The following TAX1BP1 variants were observed in gnomAD, a reference collection of about 807,000 sequenced individuals.
TAX1BP1 encodes the protein Tax1 binding protein 1.
Under a neutral mutation model 97.7 loss-of-function variants are expected in TAX1BP1, and 62 were observed. The ratio of observed to expected loss-of-function variants is 0.63; its 90% CI spans 0.52 to 0.78. The LOEUF (loss-of-function observed/expected upper bound fraction) is 0.78. Among genes scored for constraint, TAX1BP1 ranks in the 30% least tolerant of loss-of-function variants. The probability of loss-of-function intolerance (pLI) is 0.00; values close to 1 mark genes in which losing one functional copy is unlikely to be tolerated. For synonymous variants in TAX1BP1, 340 were observed against 304.2 expected (o/e 1.12, Z -1.23); for missense variants, 867 against 916.1 (o/e 0.95, Z 0.69).
At chr7:27,813,761 G>C (rs1172304105) in intron 13 of TAX1BP1, among the ~76,000 whole-genome samples, 1 of 152,188 alleles carries the variant, frequency 6.6e-6, no homozygotes, top group Non-Finnish European at 1.5e-5. Context: ...AGGAAATGAA[G>C]GTGGCTTGTC....
chr7:27,826,584 C>T lies in TAX1BP1; in HGVS notation c.2086-1154C>T, dbSNP rs560068855. Among the ~76,000 whole-genome samples the T allele has an allele frequency of 3.2e-4, 48 of 152,218 alleles. No homozygotes were observed. The South Asian group carries it at 5.2e-3, about 16-fold the overall frequency. The stretch of plus-strand genomic sequence containing the variant: ...TAGTTCATGACATGAGAGCAGCTAA[C>T]GGCTGCTGAGAGATAAAAAGGAAAT... On this transcript the variant is annotated intron_variant, in intron 15 of 16. Transcript: ENST00000396319.
rs374108541 is a variant in TAX1BP1, at chr7:27,773,394, A to G, written c.612+3560A>G. Among the ~76,000 whole-genome samples, 3 of 152,106 alleles carry G rather than the reference A, an allele frequency of 2.0e-5. No homozygotes were observed. In the East Asian group the frequency reaches 5.8e-4, roughly 29 times the overall value. Reference sequence around the variant, plus strand: ...AACCATTACCATAGTCTAATTTAGGAACAAATTCATCCCCAAAAGAAAGCT... The same window carrying G: ...AACCATTACCATAGTCTAATTTAGGGACAAATTCATCCCCAAAAGAAAGCT... On this transcript the variant is annotated intron_variant, in intron 5 of 16. Transcript: ENST00000396319.
chr7:27,821,509 C>G (rs1790972660), intron 15 of TAX1BP1, among the ~76,000 whole-genome samples: 1 of 151,892 alleles, frequency 6.6e-6, no homozygotes. Context: ...GTGGTGCACG[C>G]CAGTAATCCC....
At chr7:27,809,523 T>A (rs913748236) in intron 13 of TAX1BP1, among the ~76,000 whole-genome samples, 1 of 152,218 alleles carries the variant, frequency 6.6e-6, no homozygotes, top group African/African-American at 2.4e-5. Context: ...CTTCTCTAAG[T>A]CCAGGTATTA....
chr7:27,747,243 A>G (rs1418830331), intron 1 of TAX1BP1, among the ~76,000 whole-genome samples: 1 of 152,178 alleles, frequency 6.6e-6, no homozygotes, highest in Non-Finnish European at 1.5e-5. Flanking sequence ...GACAAACTCT[A>G]CAGATTGCTT....
At chr7:27,791,303 G>A (rs1789696423) in intron 8 of TAX1BP1, among the ~76,000 whole-genome samples, 1 of 152,014 alleles carries the variant, frequency 6.6e-6, no homozygotes, top group South Asian at 2.1e-4. Context: ...AAAACAGGAA[G>A]TTGAATAAAC....
At chr7:27,748,968 A>T (rs1355243075) in intron 2 of TAX1BP1, among the ~76,000 whole-genome samples, 1 of 151,988 alleles carries the variant, frequency 6.6e-6, no homozygotes, top group Non-Finnish European at 1.5e-5. Context: ...TACCTGCAAT[A>T]AAAAAAGATC....
At chr7:27,797,667 T>C (rs1457331019) in intron 12 of TAX1BP1, among the ~76,000 whole-genome samples, 1 of 152,088 alleles carries the variant, frequency 6.6e-6, no homozygotes, top group Non-Finnish European at 1.5e-5. Flanking sequence ...GAGAGAATCC[T>C]GTGGAAGGGT....
intron 15 of TAX1BP1, among the ~76,000 whole-genome samples, 163 bp from the exon 16 acceptor site, chr7:27,827,575 A>G: frequency 6.6e-6 from 1 of 152,212 alleles, no homozygotes; most frequent in East Asian, 1.9e-4. Context: ...ATACTCTGCA[A>G]AGTTTCAAAC....
At chr7:27,760,615 C>T (rs910091979) in intron 3 of TAX1BP1, among the ~76,000 whole-genome samples, 3 of 151,690 alleles carry the variant, frequency 2.0e-5, no homozygotes, top group African/African-American at 4.8e-5. Context: ...AGGGTGGTCT[C>T]GATCTCCTGA....
chr7:27,804,435 C>T (rs540308274), intron 13 of TAX1BP1, among the ~76,000 whole-genome samples: 2 of 152,278 alleles, frequency 1.3e-5, no homozygotes, highest in South Asian at 2.1e-4. Context: ...GTTCCAGCAA[C>T]GATTTTCTGA....
chr7:27,827,439 G>A (rs1791219514), intron 15 of TAX1BP1, among the ~76,000 whole-genome samples: 1 of 151,986 alleles, frequency 6.6e-6, no homozygotes, highest in African/African-American at 2.4e-5. Flanking sequence ...GGTTTGAAAA[G>A]GTCTACTGTT....
chr7:27,744,147 G>C (rs1787728676), intron 1 of TAX1BP1, among the ~76,000 whole-genome samples: 1 of 151,498 alleles, frequency 6.6e-6, no homozygotes, highest in African/African-American at 2.4e-5. Context: ...TTATTTTTGA[G>C]ACGGAGTCTC....
At chr7:27,741,810 G>T (rs1787617374) in intron 1 of TAX1BP1, among the ~76,000 whole-genome samples, 1 of 151,858 alleles carries the variant, frequency 6.6e-6, no homozygotes, top group Non-Finnish European at 1.5e-5. Flanking sequence ...GCCAGCCTCT[G>T]AGTTCCCTTA....
chr7:27,741,014 G>A (rs911168742), intron 1 of TAX1BP1, among the ~76,000 whole-genome samples: 2 of 152,208 alleles, frequency 1.3e-5, no homozygotes, highest in African/African-American at 4.8e-5. Flanking sequence ...TGAGCTTAGC[G>A]TGCGTCTGTG....
At chr7:27,748,075 G>A (rs1787891431) in intron 1 of TAX1BP1, among the ~76,000 whole-genome samples, 1 of 152,080 alleles carries the variant, frequency 6.6e-6, no homozygotes, top group Non-Finnish European at 1.5e-5. Flanking sequence ...GTTCTACATA[G>A]GAAGGAAATG....
intron 5 of TAX1BP1, among the ~76,000 whole-genome samples, chr7:27,779,814 A>C (rs186897759): frequency 2.1e-3 from 325 of 152,204 alleles, no homozygotes; most frequent in African/African-American, 7.0e-3. Flanking sequence ...TCCACTGCCC[A>C]CCCTTAGATT....
In TAX1BP1 at chr7:27,779,102, A is replaced by G. The variant is rs559489979; in HGVS notation, c.613-6061A>G. Among the ~76,000 whole-genome samples the G allele has an allele frequency of 6.6e-5, 10 of 151,956 alleles. No homozygotes were observed. In the East Asian group the frequency reaches 1.7e-3, roughly 27 times the overall value. On this transcript the variant is annotated intron_variant, in intron 5 of 16. Transcript: ENST00000396319. ...TAATGATTTTGAGGTTCATCCATAG[A>G]TCAGTACTTTGTTTCTTTTTATTGC...
At position 27,750,854 on chromosome 7, in the gene TAX1BP1, C is replaced by T. The variant is rs541034886; in HGVS notation, c.162+2168C>T. ...AATCCTTAATATCACTAGTTCATGC[C>T]TTCCATATTTTTTACCAAGACTATT... is the stretch of plus-strand genomic sequence containing the variant. On this transcript the variant is annotated intron_variant, in intron 2 of 16. Coordinates refer to ENST00000396319, the MANE Select transcript of TAX1BP1 (RefSeq NM_006024.7). Among the ~76,000 whole-genome samples the T allele has an allele frequency of 3.3e-5, 5 of 152,162 alleles. No individual in the cohort carries two copies. In the South Asian group the frequency reaches 1.0e-3, roughly 32 times the overall value.
Sources: allele counts gnomAD v4.1 joint callset (sites outside exome capture counted in the v4.1 genomes callset), GRCh38; gene constraint gnomAD v4.1.1; transcripts MANE v1.5; gene names NCBI Gene and HGNC (gene_info 2026-07-23, HGNC 2026-07-21).